The following WWOX variants were observed in gnomAD, a reference collection of about 807,000 sequenced individuals.
The protein encoded by WWOX is WW domain containing oxidoreductase.
In WWOX, 69 loss-of-function variants were observed where a neutral mutation model predicts 46.2. The observed-to-expected ratio is 1.49, with a 90% CI of 1.23 to 1.82. The LOEUF is 1.82. Ranked by LOEUF, WWOX falls within the 40% of genes most tolerant of loss-of-function variation. The pLI is 0.00. For missense variants in WWOX, 919 were observed against 542.6 expected (o/e 1.69, Z -6.89); for synonymous variants, 359 against 202.6 (o/e 1.77, Z -6.56).
rs539047816 is a variant in WWOX at position 78,470,017 on chromosome 16, C to G, written c.1056+37265C>G. ...ATAAGCACGCCTGTGCACAGTTGCTCAAAGATAGTAGAAGTTTATTTCTTG... is the reference window on the plus strand; with the variant it reads ...ATAAGCACGCCTGTGCACAGTTGCTGAAAGATAGTAGAAGTTTATTTCTTG... On this transcript the variant is annotated intron_variant, in intron 8 of 8. Transcript: ENST00000566780. Among the ~76,000 whole-genome samples, 107 of 152,352 alleles carry G rather than the reference C, an allele frequency of 7.0e-4. 1 individual carries two copies. The highest frequency in any genetic ancestry group is 2.4e-3 in the African/African-American group (101 of 41,588).
chr16:78,136,522 A>G (rs1054452872), intron 4 of WWOX, among the ~76,000 whole-genome samples: 1 of 152,208 alleles, frequency 6.6e-6, no homozygotes, highest in Admixed American at 6.5e-5. Context: ...AAAACCTAAT[A>G]AAGTGCTGTC....
At chr16:78,594,384 C>G (rs2045427188) in intron 8 of WWOX, among the ~76,000 whole-genome samples, 1 of 143,944 alleles carries the variant, frequency 6.9e-6, no homozygotes, top group Non-Finnish European at 1.5e-5. Context: ...AAAACCTGAC[C>G]TCTCTTTGTG....
chr16:78,846,827 A>G (rs547312134), intron 8 of WWOX, among the ~76,000 whole-genome samples: 1 of 152,150 alleles, frequency 6.6e-6, no homozygotes, highest in South Asian at 2.1e-4. Flanking sequence ...CTCATGACTG[A>G]TATTGTCTTT....
intron 5 of WWOX, among the ~76,000 whole-genome samples, chr16:78,327,581 TCACTC>T (rs1273607437): frequency 1.3e-5 from 2 of 152,186 alleles, no homozygotes; most frequent in African/African-American, 4.8e-5. Context: ...AGGATTCCCT[TCACTC>T]CAACTCCCAC....
At chr16:78,668,275 T>A (rs550599353) in intron 8 of WWOX, among the ~76,000 whole-genome samples, 1 of 152,110 alleles carries the variant, frequency 6.6e-6, no homozygotes, top group Admixed American at 6.5e-5. Flanking sequence ...AGCAAGACTT[T>A]GTCTCAAACA....
At chr16:78,820,992 C>A (rs1021061889) in intron 8 of WWOX, among the ~76,000 whole-genome samples, 1 of 152,174 alleles carries the variant, frequency 6.6e-6, no homozygotes, top group Non-Finnish European at 1.5e-5. Flanking sequence ...TAGGACCCAC[C>A]TAATTGAGTA....
chr16:79,111,272 G>A (rs924381659), intron 8 of WWOX, among the ~76,000 whole-genome samples: 4 of 152,226 alleles, frequency 2.6e-5, no homozygotes, highest in Admixed American at 1.3e-4. Context: ...AGGTGACACT[G>A]TATCTGCAGA....
intron 8 of WWOX, among the ~76,000 whole-genome samples, chr16:78,445,637 A>G (rs1268343842): frequency 6.6e-6 from 1 of 152,218 alleles, no homozygotes; most frequent in Non-Finnish European, 1.5e-5. Context: ...ACAGGTTTAC[A>G]GGCTGAGGTG....
At chr16:78,879,250 T>C (rs1031882431) in intron 8 of WWOX, among the ~76,000 whole-genome samples, 1 of 152,124 alleles carries the variant, frequency 6.6e-6, no homozygotes, top group African/African-American at 2.4e-5. Context: ...GGGCAGGCTT[T>C]TGTGACAATG....
At chr16:78,933,945 GC>G (rs1397154425) in intron 8 of WWOX, among the ~76,000 whole-genome samples, 6 of 152,052 alleles carry the variant, frequency 3.9e-5, no homozygotes, top group African/African-American at 1.4e-4. Context: ...TAATCCCAGT[GC>G]TTTGGGAGGC....
At chr16:78,144,322 C>A (rs1239887714) in intron 4 of WWOX, among the ~76,000 whole-genome samples, 1 of 149,100 alleles carries the variant, frequency 6.7e-6, no homozygotes, top group Non-Finnish European at 1.5e-5. Context: ...ATCTGAGATA[C>A]AGCTCACATG....
intron 8 of WWOX, among the ~76,000 whole-genome samples, chr16:79,026,232 A>G (rs369512554): frequency 3.3e-5 from 5 of 151,510 alleles, no homozygotes; most frequent in African/African-American, 1.2e-4. Flanking sequence ...CCCTGTTGAC[A>G]CTTCCCTTCT....
intron 8 of WWOX, among the ~76,000 whole-genome samples, chr16:78,963,469 GAAACAA>G (rs2046309549): frequency 6.6e-6 from 1 of 152,122 alleles, no homozygotes; most frequent in South Asian, 2.1e-4. Flanking sequence ...CCCCGTCTCA[GAAACAA>G]AAACAAATAA....
At chr16:78,438,097 C>G (rs1187018893) in intron 8 of WWOX, among the ~76,000 whole-genome samples, 2 of 152,088 alleles carry the variant, frequency 1.3e-5, no homozygotes, top group Non-Finnish European at 1.5e-5. Flanking sequence ...AGAATCCTAC[C>G]ACACTTCCAA....
At chr16:78,151,664 G>T (rs908314256) in intron 4 of WWOX, among the ~76,000 whole-genome samples, 1 of 152,002 alleles carries the variant, frequency 6.6e-6, no homozygotes, top group Non-Finnish European at 1.5e-5. Flanking sequence ...ATTCATAAAG[G>T]CCCATGAATT....
chr16:78,712,814 G>A (rs117667271), intron 8 of WWOX, among the ~76,000 whole-genome samples: 1,659 of 152,232 alleles, frequency 0.011, 16 homozygotes, highest in Non-Finnish European at 0.016. Flanking sequence ...GAGTAATAGC[G>A]TAAATAATTC....
At chr16:79,014,015 T>C (rs1021332055) in intron 8 of WWOX, among the ~76,000 whole-genome samples, 15 of 152,200 alleles carry the variant, frequency 9.9e-5, no homozygotes, top group Admixed American at 6.5e-5. Context: ...GCATGCGATA[T>C]GCTTCTCAGG....
At chr16:78,884,278 AAAAAAAAAAAAAAAAC>A (rs2044405303) in intron 8 of WWOX, among the ~76,000 whole-genome samples, 1 of 146,960 alleles carries the variant, frequency 6.8e-6, no homozygotes, top group Non-Finnish European at 1.5e-5. Flanking sequence ...GTCTCCAAAA[AAAAAAAAAAAAAAAAC>A]AAAAGACCAT....
chr16:78,142,459 T>C (rs2034021150), intron 4 of WWOX, among the ~76,000 whole-genome samples: 1 of 152,212 alleles, frequency 6.6e-6, no homozygotes, highest in South Asian at 2.1e-4. Context: ...AGATACTCCC[T>C]AGTAGCTGGG....
Sources: allele counts gnomAD v4.1 joint callset (sites outside exome capture counted in the v4.1 genomes callset), GRCh38; gene constraint gnomAD v4.1.1; transcripts MANE v1.5; gene names NCBI Gene and HGNC (gene_info 2026-07-23, HGNC 2026-07-21).